FAM169A: variants seen among roughly 807,000 people sequenced by gnomAD.
FAM169A encodes the protein soluble lamin-associated protein of 75 kDa.
FAM169A carries 24 observed loss-of-function variants against 75.7 expected under a neutral mutation model. That is an observed-to-expected ratio of 0.32 (90% confidence interval 0.23 to 0.45). FAM169A has a LOEUF of 0.45. FAM169A is among the 20% of genes least tolerant of loss of function. FAM169A has a pLI of 1.00. For synonymous variants in FAM169A, 271 were observed against 271.0 expected (o/e 1.00, Z 0.00); for missense variants, 673 against 784.0 (o/e 0.86, Z 1.69).
chr5:74,787,375 C>T (rs1453504012), intron 11 of FAM169A, among the ~76,000 whole-genome samples: 2 of 152,182 alleles, frequency 1.3e-5, no homozygotes, highest in Admixed American at 6.5e-5. Context: ...AAATGCTGAT[C>T]TCCCTTGGTT....
intron 1 of FAM169A, among the ~76,000 whole-genome samples, chr5:74,857,040 C>G (rs1362538541): frequency 1.2e-4 from 18 of 144,386 alleles, no homozygotes; most frequent in Non-Finnish European, 2.5e-4. Flanking sequence ...ATCCCGGAGC[C>G]GGAGGTTGCA....
intron 5 of FAM169A, among the ~76,000 whole-genome samples, chr5:74,832,853 C>A (rs894327192): frequency 6.6e-6 from 1 of 151,864 alleles, no homozygotes; most frequent in East Asian, 1.9e-4. Context: ...TTATCTGGTA[C>A]AACGGGGAAA....
intron 1 of FAM169A, among the ~76,000 whole-genome samples, chr5:74,855,822 T>C (rs1749679236): frequency 6.6e-6 from 1 of 152,266 alleles, no homozygotes. Context: ...TTTGATTGCC[T>C]GTCTTGTGGG....
Position 74,778,814 on chromosome 5 carries a change from A to C in FAM169A, c.*2646T>G, listed in dbSNP as rs1458581397. ...TTCACAAATAAGTTCACAAAGGACT[A>C]TGTGTAATGTGACTGGACATTCAAC... On this transcript the variant is annotated 3_prime_UTR_variant, in exon 13 of 13. Transcript: ENST00000687041. 6.6e-6 allele frequency: 1 copy of C among 152,120 alleles called. No homozygotes were observed. The highest frequency in any genetic ancestry group is 2.4e-5 in the African/African-American group (1 of 41,466). The allele number at this position is 152,120 out of a possible 1,614,324, so 9.4% of individuals were successfully genotyped here.
chr5:74,795,399 A>G (rs79646791), intron 11 of FAM169A, among the ~76,000 whole-genome samples: 3,367 of 152,336 alleles, frequency 0.022, 123 homozygotes, highest in African/African-American at 0.077. Flanking sequence ...AAAGGAAAAG[A>G]TTGAAGATAC....
chr5:74,853,306 G>T (rs1749537585), intron 1 of FAM169A, among the ~76,000 whole-genome samples: 1 of 152,152 alleles, frequency 6.6e-6, no homozygotes, highest in African/African-American at 2.4e-5. Context: ...ACCATTTACT[G>T]ATTGCTTATC....
intron 5 of FAM169A, among the ~76,000 whole-genome samples, chr5:74,823,997 G>T (rs1747890351): frequency 6.6e-6 from 1 of 152,184 alleles, no homozygotes; most frequent in African/African-American, 2.4e-5. Flanking sequence ...AAGTAGGGAA[G>T]ATCATGGATA....
chr5:74,807,785 TA>T (rs766097428), intron 6 of FAM169A, among the ~76,000 whole-genome samples: 3 of 152,142 alleles, frequency 2.0e-5, no homozygotes, highest in Non-Finnish European at 2.9e-5. Flanking sequence ...TGTGGGCCAG[TA>T]AATGAACAAA....
chr5:74,786,041 T>C (rs979615672), intron 11 of FAM169A, among the ~76,000 whole-genome samples: 1 of 152,178 alleles, frequency 6.6e-6, no homozygotes, highest in African/African-American at 2.4e-5. Context: ...GCTGCCAGCA[T>C]GGCCAGAATA....
chr5:74,848,119 T>C (rs1180666489), intron 1 of FAM169A, among the ~76,000 whole-genome samples: 1 of 152,218 alleles, frequency 6.6e-6, no homozygotes, highest in Admixed American at 6.5e-5. Flanking sequence ...TGCAAATCTG[T>C]TCTGAAATCC....
intron 1 of FAM169A, among the ~76,000 whole-genome samples, chr5:74,856,571 C>T (rs1749715621): frequency 6.6e-6 from 1 of 151,792 alleles, no homozygotes; most frequent in South Asian, 2.1e-4. Context: ...CAAAATAGAG[C>T]TAGGGGAAAA....
intron 1 of FAM169A, among the ~76,000 whole-genome samples, chr5:74,843,776 A>G (rs11746702): frequency 0.36 from 54,279 of 152,096 alleles, 12,911 homozygotes; most frequent in African/African-American, 0.68. Context: ...GCTGATGAAC[A>G]TTTGGCTATT....
chr5:74,837,846 G>A (rs989827470), intron 4 of FAM169A, among the ~76,000 whole-genome samples: 1 of 152,064 alleles, frequency 6.6e-6, no homozygotes, highest in African/African-American at 2.4e-5. Context: ...GGCTGGGCGT[G>A]GTGGCTTATG....
intron 1 of FAM169A, among the ~76,000 whole-genome samples, chr5:74,860,896 AG>A (rs1749998746): frequency 6.6e-6 from 1 of 151,038 alleles, no homozygotes; most frequent in African/African-American, 2.4e-5. Flanking sequence ...CCAGAACTTT[AG>A]GAAGTCGAGG....
intron 5 of FAM169A, among the ~76,000 whole-genome samples, chr5:74,824,514 T>C (rs1747916896): frequency 6.6e-6 from 1 of 152,132 alleles, no homozygotes; most frequent in Non-Finnish European, 1.5e-5. Flanking sequence ...CATTCCAGGC[T>C]GAGAAGGATT....
At chr5:74,838,466 G>T (rs1482347493) in intron 4 of FAM169A, among the ~76,000 whole-genome samples, 4 of 152,112 alleles carry the variant, frequency 2.6e-5, no homozygotes, top group Non-Finnish European at 5.9e-5. Flanking sequence ...TCTCTAGCAT[G>T]AAAACCAGCT....
chr5:74,854,012 T>C (rs1455634865), intron 1 of FAM169A, among the ~76,000 whole-genome samples: 1 of 152,160 alleles, frequency 6.6e-6, no homozygotes, highest in African/African-American at 2.4e-5. Context: ...TTTTTAATTT[T>C]TGTGGGTACC....
intron 1 of FAM169A, among the ~76,000 whole-genome samples, chr5:74,849,838 AC>A (rs1161853481): frequency 6.6e-6 from 1 of 152,178 alleles, no homozygotes; most frequent in Non-Finnish European, 1.5e-5. Flanking sequence ...TTTGAATATG[AC>A]AAAATAACTG....
rs1274498718 is a variant in FAM169A at position 74,839,509 on chromosome 5, G to C, written c.233-459C>G. ...GGCCTCCCCAGCCATGCGGAACTGT[G>C]AGTCAATTTTTAATTTTTTTTTTTT... On this transcript the variant is annotated intron_variant, in intron 3 of 12. Transcript: ENST00000687041. 2.0e-5 allele frequency among the ~76,000 whole-genome samples: 3 copies of C among 150,560 alleles called. No homozygotes were observed. In the East Asian group the frequency reaches 5.8e-4, roughly 29 times the overall value.
Sources: allele counts gnomAD v4.1 joint callset (sites outside exome capture counted in the v4.1 genomes callset), GRCh38; gene constraint gnomAD v4.1.1; transcripts MANE v1.5; gene names NCBI Gene and HGNC (gene_info 2026-07-23, HGNC 2026-07-21).